Variants in AHNAK2 observed in about 807,000 individuals in gnomAD.
The protein encoded by AHNAK2 is protein AHNAK2.
Under a neutral mutation model 30.7 loss-of-function variants are expected in AHNAK2, and 18 were observed. That is an observed-to-expected ratio of 0.59 (90% CI 0.41 to 0.87). The LOEUF (loss-of-function observed/expected upper bound fraction) is 0.87. Among genes scored for constraint, AHNAK2 ranks in the 40% least tolerant of loss-of-function variants. The pLI is 0.00. For synonymous variants in AHNAK2, 3,590 were observed against 3,073.8 expected (o/e 1.17, Z -5.56); for missense variants, 8,604 against 7,373.0 (o/e 1.17, Z -6.11).
intron 1 of AHNAK2, among the ~76,000 whole-genome samples, 181 bp from the exon 2 acceptor site, chr14:104,957,853 A>T (rs10134371): frequency 0.12 from 18,801 of 152,048 alleles, 2,621 homozygotes; most frequent in East Asian, 0.47. Context: ...GGAGAGGCTG[A>T]GGCATCACGT....
Position 104,939,018 on chromosome 14 carries a change from G to A in AHNAK2, c.16433C>T (p.Thr5478Ile). Reference sequence around the variant, plus strand: ...CTCTGGTGTCACTATGCTGTGTATAGTGACCTCTTGACTTTCAACCTGAGC... The same window carrying A: ...CTCTGGTGTCACTATGCTGTGTATAATGACCTCTTGACTTTCAACCTGAGC... ...QGAQVESQEV[T>I]IHSIVTPEFV... is the part of the protein sequence containing the mutation. Residue 5478 changes from threonine to isoleucine, a missense_variant, in exon 7 of 7, where the codon ACT becomes ATT. Coordinates refer to ENST00000333244, the MANE Select transcript of AHNAK2 (RefSeq NM_138420.4). The A allele has an allele frequency of 6.2e-7, 1 of 1,609,922 alleles. No homozygotes were observed. The highest frequency in any genetic ancestry group is 8.5e-7 in the Non-Finnish European group (1 of 1,178,168).
Position 104,941,574 on chromosome 14 carries a change from C to T in AHNAK2, c.13877G>A (p.Ser4626Asn), listed in dbSNP as rs376764440. 6.2e-6 allele frequency: 10 copies of T among 1,613,092 alleles called. No homozygotes were observed. In the African/African-American group the frequency reaches 1.3e-4, roughly 22 times the overall value. The change falls in exon 7 of 7, where the codon AGT becomes AAT. Residue 4626 changes from serine to asparagine, a missense_variant. By Grantham distance (46) the Ser-to-Asn change is conservative (BLOSUM62 1). Coordinates refer to ENST00000333244, the MANE Select transcript of AHNAK2 (RefSeq NM_138420.4). ...LAHEDVAGKDSKFQGPKLSTS... is the reference protein window; with the variant it reads ...LAHEDVAGKDNKFQGPKLSTS... The stretch of plus-strand genomic sequence containing the variant: ...GCTCAGTTTTGGTCCTTGAAACTTA[C>T]TGTCTTTCCCAGCTACATCCTCGTG...
intron 5 of AHNAK2, 114 bp from the exon 6 acceptor site, chr14:104,955,255 A>C: frequency 7.4e-7 from 1 of 1,351,758 alleles, no homozygotes; most frequent in East Asian, 2.3e-5. Context: ...AATCCCACTG[A>C]GTCTGCCCCA....
intron 1 of AHNAK2, among the ~76,000 whole-genome samples, chr14:104,968,539 G>A (rs959287974): frequency 6.6e-6 from 1 of 152,222 alleles, no homozygotes; most frequent in Admixed American, 6.5e-5. Flanking sequence ...GTTCTTGGAG[G>A]GTCCAGAACA....
In AHNAK2 at chr14:104,939,997, C is replaced by T. The variant is rs1202068971; in HGVS notation, c.15454G>A (p.Ala5152Thr). 1 of 1,612,392 alleles carries T rather than the reference C, an allele frequency of 6.2e-7. No homozygotes were observed. Among genetic ancestry groups the T allele is most frequent in the East Asian group, 2.2e-5 (1 of 44,884 alleles). ...PVSQPCGEGIAPTPEDPLQPS... is the reference protein window; with the variant it reads ...PVSQPCGEGITPTPEDPLQPS... ...TGGAGGGGATCTTCAGGTGTGGGGG[C>T]TATCCCCTCCCCACAAGGCTGGCTC... The change falls in exon 7 of 7, where the codon GCC (alanine) becomes ACC (threonine). Residue 5152 changes from alanine to threonine, a missense_variant. Physicochemically the swap from Ala to Thr is moderately conservative, Grantham distance 58. Transcript: ENST00000333244.
At position 104,938,335 on chromosome 14, in the gene AHNAK2, A is replaced by G. The variant is rs1235461861; in HGVS notation, c.17116T>C (p.Ser5706Pro). 1.2e-6 allele frequency: 2 copies of G among 1,613,912 alleles called. No individual in the cohort carries two copies. Among genetic ancestry groups the G allele is most frequent in the African/African-American group, 1.3e-5 (1 of 75,044 alleles). Residue 5706 changes from serine to proline, a missense_variant, in exon 7 of 7, where the codon TCA becomes CCA. By Grantham distance (74) the Ser-to-Pro change is moderately conservative (BLOSUM62 -1). Coordinates refer to ENST00000333244, the MANE Select transcript of AHNAK2 (RefSeq NM_138420.4). ...CTTTTGCTTTTCTTGGTAGGAGATG[A>G]GGAGAACCCTAATTTGGGAAATCGG... is the stretch of plus-strand genomic sequence containing the variant. ...WFRFPKLGFS[S>P]SPTKKSKSTE...
Position 104,939,989 on chromosome 14 carries a change from T to G in AHNAK2, c.15462A>C (p.Thr5154=), listed in dbSNP as rs765118894. ...SQPCGEGIAP[T]PEDPLQPSCR... ...AGGATGGCTGGAGGGGATCTTCAGG[T>G]GTGGGGGCTATCCCCTCCCCACAAG... The change falls in exon 7 of 7, where the codon ACA becomes ACC. Residue 5154 remains threonine (T), a synonymous_variant. Transcript: ENST00000333244. 1.2e-6 allele frequency: 2 copies of G among 1,612,292 alleles called. No individual in the cohort carries two copies. Among genetic ancestry groups the G allele is most frequent in the South Asian group, 2.2e-5 (2 of 91,086 alleles).
intron 1 of AHNAK2, among the ~76,000 whole-genome samples, chr14:104,974,469 C>T (rs935586330): frequency 6.6e-6 from 1 of 152,262 alleles, no homozygotes; most frequent in African/African-American, 2.4e-5. Flanking sequence ...CTGACTTCGC[C>T]CTCAGCCTCT....
At position 104,963,065 on chromosome 14, in the gene AHNAK2, G is replaced by A. The variant is rs112151662; in HGVS notation, c.56-5393C>T. 4.1e-3 allele frequency among the ~76,000 whole-genome samples: 624 copies of A among 152,292 alleles called. 4 individuals carry two copies. Among genetic ancestry groups the A allele is most frequent in the African/African-American group, 0.013 (559 of 41,552 alleles). On this transcript the variant is annotated intron_variant, in intron 1 of 6. Coordinates refer to ENST00000333244, the MANE Select transcript of AHNAK2 (RefSeq NM_138420.4). ...AGAGCTTTCATTTTCCTCAGAAAACGAAAAGGCAGTGAATGTATCTGGCAA... is the reference window on the plus strand; with the variant it reads ...AGAGCTTTCATTTTCCTCAGAAAACAAAAAGGCAGTGAATGTATCTGGCAA...
Position 104,939,125 on chromosome 14 carries a change from C to G in AHNAK2, c.16326G>C (p.Gly5442=). The G allele has an allele frequency of 5.0e-6, 8 of 1,608,890 alleles. No homozygotes were observed. Among genetic ancestry groups the G allele is most frequent in the Non-Finnish European group, 6.8e-6 (8 of 1,177,902 alleles). Reference sequence around the variant, plus strand: ...GGTCCACAGGCTGCTCCCCAGGGACCCCAGCACCTGCCTTCAGGATGCTGG... The same window carrying G: ...GGTCCACAGGCTGCTCCCCAGGGACGCCAGCACCTGCCTTCAGGATGCTGG... ...WGASILKAGA[G]VPGEQPVDLN... The change falls in exon 7 of 7, where the codon GGG becomes GGC. Residue 5442 remains glycine (G), a synonymous_variant. Transcript: ENST00000333244.
chr14:104,946,508 G>A lies in AHNAK2; in HGVS notation c.8943C>T (p.Pro2981=). Reference sequence around the variant, plus strand: ...CCCCGAACGACGGCATCTTGAACTTGGGCATTTTGAACTTGCTGTCTTTGG... The same window carrying A: ...CCCCGAACGACGGCATCTTGAACTTAGGCATTTTGAACTTGCTGTCTTTGG... ...VTAKDSKFKM[P]KFKMPSFGVS... is the part of the protein sequence containing the mutation. The change falls in exon 7 of 7, where the codon CCC becomes CCT. Residue 2981 remains proline (P), a synonymous_variant. Transcript: ENST00000333244. 1.2e-6 allele frequency: 2 copies of A among 1,611,970 alleles called. No individual in the cohort carries two copies. The highest frequency in any genetic ancestry group is 1.7e-6 in the Non-Finnish European group (2 of 1,179,380).
Position 104,947,635 on chromosome 14 carries a change from C to A in AHNAK2, c.7816G>T (p.Asp2606Tyr), listed in dbSNP as rs766218889. ...KGPKAEVTAP[D>Y]VEMSLSSMEV... ...ATGCTGGACAGAGACATCTCCACAT[C>A]GGGGGCTGTCACTTCCGCCTTGGGG... Residue 2606 changes from aspartate to tyrosine, a missense_variant, in exon 7 of 7, where the codon GAT (aspartate) becomes TAT (tyrosine). Transcript: ENST00000333244. 5.6e-6 allele frequency: 9 copies of A among 1,613,098 alleles called. No homozygotes were observed. The highest frequency in any genetic ancestry group is 7.6e-6 in the Non-Finnish European group (9 of 1,179,682).
rs749094637 is a variant in AHNAK2 at position 104,951,107 on chromosome 14, T to C, written c.4344A>G (p.Thr1448=). Residue 1448 remains threonine, a synonymous_variant, in exon 7 of 7, where the codon ACA becomes ACG. Transcript: ENST00000333244. The part of the protein sequence containing the change: ...LDLKDPKVEV[T]APDVEVSLPS... The stretch of plus-strand genomic sequence containing the variant: ...GCAGAGAAACCTCCACATCAGGGGC[T>C]GTCACTTCCACCTTGGGGTCTTTTA... 1.6e-5 allele frequency: 17 copies of C among 1,064,362 alleles called. 8 individuals carry two copies. Among genetic ancestry groups the C allele is most frequent in the Non-Finnish European group, 2.3e-5 (17 of 734,652 alleles). 65.9% of individuals were successfully genotyped at this position (1,064,362 alleles called of 1,614,324 possible).
chr14:104,953,638 C>T lies in AHNAK2; in HGVS notation c.1813G>A (p.Ala605Thr), dbSNP rs1043787118. 1.9e-6 allele frequency: 3 copies of T among 1,613,830 alleles called. No homozygotes were observed. The highest frequency in any genetic ancestry group is 2.7e-5 in the African/African-American group (2 of 74,910). The part of the protein sequence containing the change: ...SKHTKTGREK[A>T]TEDTEQGREG... ...CTTCCCTGCTCTGTGTCTTCTGTGG[C>T]TTTTTCTCTGCCTGTCTTTGTGTGC... The change falls in exon 7 of 7, where the codon GCC becomes ACC. Residue 605 changes from alanine to threonine, a missense_variant. Transcript: ENST00000333244.
chr14:104,949,067 G>T lies in AHNAK2; in HGVS notation c.6384C>A (p.Ala2128=), dbSNP rs376774117. Residue 2128 remains alanine, a synonymous_variant, in exon 7 of 7, where the codon GCC becomes GCA. Transcript: ENST00000333244. ...CCTGCAGATGCGCACTATCCAGCTT[G>T]GCTCTTGGGGCCTGGACGTCCACCT... ...SMEVDVQAPR[A]KLDSAHLQGD... 2.6e-5 allele frequency: 28 copies of T among 1,068,656 alleles called. 6 individuals carry two copies. The African/African-American group carries it at 2.7e-4, about 10-fold the overall frequency. The allele number at this position is 1,068,656 out of a possible 1,614,324, so 66.2% of individuals were successfully genotyped here.
At position 104,947,550 on chromosome 14, in the gene AHNAK2, A is replaced by T. The variant is rs1285830091; in HGVS notation, c.7901T>A (p.Leu2634Gln). 4 of 1,612,688 alleles carry T rather than the reference A, an allele frequency of 2.5e-6. No individual in the cohort carries two copies. Among genetic ancestry groups the T allele is most frequent in the South Asian group, 1.1e-5 (1 of 91,030 alleles). The stretch of plus-strand genomic sequence containing the variant: ...TGTCACACCCTTGTCGGCCAGGGAC[A>T]GGTCCCCCTCCAGCCGCGCACCATC... ...KLDGARLEGD[L>Q]SLADKGVTAK... Residue 2634 changes from leucine (L) to glutamine (Q), a missense_variant, in exon 7 of 7, where the codon CTG becomes CAG. Transcript: ENST00000333244.
In AHNAK2 at chr14:104,937,771, C is replaced by A; in HGVS notation, c.*292G>T. 8.1e-6 allele frequency: 3 copies of A among 368,336 alleles called. No homozygotes were observed. Among genetic ancestry groups the A allele is most frequent in the Non-Finnish European group, 1.5e-5 (3 of 206,134 alleles). 22.8% of individuals were successfully genotyped at this position (368,336 alleles called of 1,614,324 possible). ...CTCTGGAAATTTATCTAATAAAGAC[C>A]AACAAACTTCCCCAGCAGTGCCTCT... On this transcript the variant is annotated 3_prime_UTR_variant, in exon 7 of 7. Transcript: ENST00000333244.
chr14:104,967,140 C>A (rs948316457), intron 1 of AHNAK2, among the ~76,000 whole-genome samples: 2 of 152,200 alleles, frequency 1.3e-5, no homozygotes, highest in African/African-American at 4.8e-5. Context: ...CCCTGCCTAG[C>A]ACTCAGGGTG....
At chr14:104,970,955 A>G (rs1595434147) in intron 1 of AHNAK2, among the ~76,000 whole-genome samples, 1 of 151,968 alleles carries the variant, frequency 6.6e-6, no homozygotes, top group Non-Finnish European at 1.5e-5. Flanking sequence ...GCCTGCCCCC[A>G]TGGTCACTGG....
Sources: allele counts gnomAD v4.1 joint callset (sites outside exome capture counted in the v4.1 genomes callset), GRCh38; gene constraint gnomAD v4.1.1; transcripts MANE v1.5; gene names NCBI Gene and HGNC (gene_info 2026-07-23, HGNC 2026-07-21).